The following NKAIN2 variants were observed in gnomAD, a reference collection of about 807,000 sequenced individuals.
NKAIN2 encodes sodium/potassium-transporting ATPase subunit beta-1-interacting protein 2.
A neutral mutation model predicts 32.6 loss-of-function variants in NKAIN2; 14 were observed. That is an observed-to-expected ratio of 0.43 (90% CI 0.28 to 0.67). NKAIN2 has a LOEUF of 0.67. Among genes scored for constraint, NKAIN2 ranks in the 30% least tolerant of loss-of-function variants. The pLI is 0.17. For missense variants in NKAIN2, 198 were observed against 258.3 expected, an observed-to-expected ratio of 0.77 and a Z score of 1.60; for synonymous variants, 80 against 87.2, an observed-to-expected ratio of 0.92 and a Z score of 0.46.
chr6:124,320,239 G>GT (rs1457101288), intron 2 of NKAIN2, among the ~76,000 whole-genome samples: 2 of 152,060 alleles, frequency 1.3e-5, no homozygotes, highest in African/African-American at 4.8e-5. Context: ...GCCCTATAAG[G>GT]TTTTTAATTT....
intron 1 of NKAIN2, among the ~76,000 whole-genome samples, chr6:124,078,225 C>T (rs1435226171): frequency 6.6e-6 from 1 of 152,148 alleles, no homozygotes; most frequent in Admixed American, 6.5e-5. Flanking sequence ...AGTGTTTCTG[C>T]ATGAATGGAC....
chr6:123,977,857 G>T (rs933607201), intron 1 of NKAIN2, among the ~76,000 whole-genome samples: 3 of 152,018 alleles, frequency 2.0e-5, no homozygotes, highest in African/African-American at 7.2e-5. Context: ...TAACTTTCAT[G>T]GATGAAAGCA....
intron 3 of NKAIN2, among the ~76,000 whole-genome samples, chr6:124,592,974 T>C (rs1478543960): frequency 6.6e-6 from 1 of 152,190 alleles, no homozygotes; most frequent in East Asian, 1.9e-4. Flanking sequence ...TAATATTCTG[T>C]CAACAAATCA....
intron 1 of NKAIN2, among the ~76,000 whole-genome samples, chr6:124,148,924 G>A (rs1029123392): frequency 2.0e-5 from 3 of 152,088 alleles, no homozygotes; most frequent in Non-Finnish European, 4.4e-5. Flanking sequence ...TCCACCAACA[G>A]CATTGAGAGT....
intron 4 of NKAIN2, among the ~76,000 whole-genome samples, chr6:124,780,637 T>C (rs969843656): frequency 6.6e-6 from 1 of 152,210 alleles, no homozygotes; most frequent in Non-Finnish European, 1.5e-5. Context: ...CCTTCGACAC[T>C]TTGCTATCAT....
intron 1 of NKAIN2, among the ~76,000 whole-genome samples, chr6:124,031,762 G>A (rs1381603064): frequency 6.6e-6 from 1 of 152,120 alleles, no homozygotes; most frequent in Non-Finnish European, 1.5e-5. Flanking sequence ...TGATTGCACT[G>A]TGGTCTGAGA....
intron 3 of NKAIN2, among the ~76,000 whole-genome samples, chr6:124,417,977 C>G (rs1440222926): frequency 6.6e-6 from 1 of 152,126 alleles, no homozygotes; most frequent in African/African-American, 2.4e-5. Context: ...CTTCCATTCC[C>G]CATTCTTAAC....
At chr6:124,823,002 G>A (rs1781453704) in intron 6 of NKAIN2, among the ~76,000 whole-genome samples, 1 of 152,072 alleles carries the variant, frequency 6.6e-6, no homozygotes, top group Non-Finnish European at 1.5e-5. Context: ...AGTTGTCCCT[G>A]GAAATAGATT....
At chr6:124,271,750 A>G (rs1003120735) in intron 1 of NKAIN2, among the ~76,000 whole-genome samples, 1 of 152,214 alleles carries the variant, frequency 6.6e-6, no homozygotes, top group South Asian at 2.1e-4. Flanking sequence ...GGTTTTGACC[A>G]AAATGCTGAT....
chr6:124,692,014 T>C (rs1396522227), intron 4 of NKAIN2, among the ~76,000 whole-genome samples: 1 of 152,178 alleles, frequency 6.6e-6, no homozygotes, highest in East Asian at 1.9e-4. Context: ...AGGATAAAAA[T>C]ATAAAATGCG....
intron 1 of NKAIN2, among the ~76,000 whole-genome samples, chr6:123,810,701 T>C (rs1163522556): frequency 6.6e-6 from 1 of 152,126 alleles, no homozygotes; most frequent in East Asian, 1.9e-4. Context: ...GAATGGCCAG[T>C]GCACAGTATT....
intron 1 of NKAIN2, among the ~76,000 whole-genome samples, chr6:124,014,837 A>C (rs558205351): frequency 6.6e-6 from 1 of 152,168 alleles, no homozygotes; most frequent in Non-Finnish European, 1.5e-5. Context: ...CTTAAAAATC[A>C]TCTTTTTGAA....
chr6:124,093,289 A>T (rs1354264381), intron 1 of NKAIN2, among the ~76,000 whole-genome samples: 1 of 152,076 alleles, frequency 6.6e-6, no homozygotes, highest in East Asian at 1.9e-4. Flanking sequence ...TATTGTTGTA[A>T]TCATGCTGCC....
At position 124,286,964 on chromosome 6, in the gene NKAIN2, A is replaced by G. The variant is rs56301605; in HGVS notation, c.192+3822A>G. ...CCCAAAGTGCTGAGATTACAGGTGT[A>G]AGCCATTGTGCCCGGCCAGGGATTT... On this transcript the variant is annotated intron_variant, in intron 2 of 6. Coordinates refer to ENST00000368417, the MANE Select transcript of NKAIN2 (RefSeq NM_001040214.3). Among the ~76,000 whole-genome samples, 1,075 of 152,118 alleles carry G rather than the reference A, an allele frequency of 7.1e-3. 12 individuals carry two copies. The highest frequency in any genetic ancestry group is 0.024 in the African/African-American group (1,015 of 41,502).
chr6:124,642,200 G>A (rs912069003), intron 3 of NKAIN2, among the ~76,000 whole-genome samples: 1 of 152,094 alleles, frequency 6.6e-6, no homozygotes, highest in African/African-American at 2.4e-5. Context: ...TTTCTATAAA[G>A]GCAGCTTTCA....
At chr6:124,041,664 G>A (rs1261375808) in intron 1 of NKAIN2, among the ~76,000 whole-genome samples, 1 of 151,836 alleles carries the variant, frequency 6.6e-6, no homozygotes, top group Non-Finnish European at 1.5e-5. Flanking sequence ...TAACATTTTT[G>A]TTGCTATTAA....
intron 1 of NKAIN2, among the ~76,000 whole-genome samples, chr6:124,239,303 G>A (rs1242009955): frequency 6.6e-6 from 1 of 151,328 alleles, no homozygotes; most frequent in Non-Finnish European, 1.5e-5. Flanking sequence ...AATAATAGTG[G>A]CAGGATCCCA....
At chr6:124,614,102 T>A (rs1320348197) in intron 3 of NKAIN2, among the ~76,000 whole-genome samples, 1 of 152,150 alleles carries the variant, frequency 6.6e-6, no homozygotes, top group Admixed American at 6.5e-5. Context: ...TTTTTAAAAA[T>A]GAATCATCTG....
At chr6:123,949,468 C>T (rs533869421) in intron 1 of NKAIN2, among the ~76,000 whole-genome samples, 1 of 151,968 alleles carries the variant, frequency 6.6e-6, no homozygotes, top group South Asian at 2.1e-4. Context: ...CTGTCCTCTT[C>T]AGTAACTTTC....
Sources: gnomAD v4.1 joint callset for allele counts (sites outside exome capture counted in the v4.1 genomes callset) on GRCh38, gnomAD v4.1.1 for gene constraint, MANE v1.5 for transcripts, NCBI Gene and HGNC (gene_info 2026-07-23, HGNC 2026-07-21) for gene names.